Variants in TUBA3D observed in about 807,000 individuals in gnomAD.
TUBA3D encodes tubulin alpha 3d.
In TUBA3D, 24 loss-of-function variants were observed where a neutral mutation model predicts 36.1. The observed-to-expected ratio is 0.66, with a 90% CI of 0.48 to 0.93. The LOEUF is 0.93. TUBA3D is among the 40% of genes least tolerant of loss of function. The probability of loss-of-function intolerance (pLI) is 0.00; values close to 1 mark genes in which losing one functional copy is unlikely to be tolerated. For synonymous variants in TUBA3D, 185 were observed against 247.2 expected (o/e 0.75, Z 2.36); for missense variants, 356 against 614.5 (o/e 0.58, Z 4.45).
At chr2:131,479,540 C>T (rs1238430356) in intron 3 of TUBA3D, 84 bp downstream of exon 3, 2 of 1,579,162 alleles carry the variant, frequency 1.3e-6, no homozygotes, top group African/African-American at 1.4e-5. Context: ...ATTTTATCAA[C>T]ACTTAGACCA....
rs1573855064 is a variant in TUBA3D at position 131,476,119 on chromosome 2, A to C, written c.-81A>C. On this transcript the variant is annotated 5_prime_UTR_variant, in exon 1 of 5. Coordinates refer to ENST00000321253, the MANE Select transcript of TUBA3D (RefSeq NM_080386.4). ...ATCCCGTGCGGCGCGCACAGGCAGG[A>C]GGTTGCAGTTGGGCGCTCAGCAGCT... 2.5e-6 allele frequency: 4 copies of C among 1,609,418 alleles called. No homozygotes were observed. The highest frequency in any genetic ancestry group is 2.2e-5 in the East Asian group (1 of 44,694).
rs765656354 is a variant in TUBA3D at position 131,480,630 on chromosome 2, A to G, written c.937A>G (p.Met313Val). 1.5e-5 allele frequency: 25 copies of G among 1,613,582 alleles called. No homozygotes were observed. In the East Asian group the frequency reaches 2.7e-4, roughly 17 times the overall value. ...VKCDPRHGKY[M>V]ACCMLYRGDV... ...GTGTGACCCTCGCCACGGCAAGTACATGGCCTGCTGCATGTTGTACAGGGG... is the reference window on the plus strand; with the variant it reads ...GTGTGACCCTCGCCACGGCAAGTACGTGGCCTGCTGCATGTTGTACAGGGG... The change falls in exon 4 of 5, where the codon ATG becomes GTG. Residue 313 changes from methionine to valine, a missense_variant. Around this residue, in one of 3 missense-constraint regions of TUBA3D, gnomAD observed 156 missense variants for 219.8 expected, o/e 0.71. Transcript: ENST00000321253.
At chr2:131,481,140 G>T (rs1438762657) in intron 4 of TUBA3D, among the ~76,000 whole-genome samples, 2 of 152,028 alleles carry the variant, frequency 1.3e-5, no homozygotes, top group Non-Finnish European at 2.9e-5. Context: ...CTGACCTCAG[G>T]TGATCTGCCT....
chr2:131,479,826 C>G (rs1317762121), intron 3 of TUBA3D, among the ~76,000 whole-genome samples: 1 of 151,972 alleles, frequency 6.6e-6, no homozygotes, highest in Admixed American at 6.6e-5. Context: ...GGAAACAGAG[C>G]AAGATTCCGT....
At position 131,482,651 on chromosome 2, in the gene TUBA3D, G is replaced by T. The variant is rs373332031; in HGVS notation, c.1156G>T (p.Glu386Ter). The T allele has an allele frequency of 1.3e-5, 21 of 1,614,226 alleles. No homozygotes were observed. Among genetic ancestry groups the T allele is most frequent in the Non-Finnish European group, 1.8e-5 (21 of 1,180,048 alleles). The change falls in exon 5 of 5, where the codon GAG (glutamate) becomes TAG (stop). Residue 386 changes from glutamate to a stop codon, truncating the protein, a stop_gained. Transcript: ENST00000321253. LOFTEE classifies it high-confidence loss of function. Reference protein sequence around the residue: ...CMLSNTTAIAEAWARLDHKFD... With the variant: ...CMLSNTTAIA Reference sequence around the variant, plus strand: ...GCTGAGCAACACCACGGCCATTGCGGAGGCCTGGGCCCGCCTGGACCATAA... The same window carrying T: ...GCTGAGCAACACCACGGCCATTGCGTAGGCCTGGGCCCGCCTGGACCATAA...
intron 4 of TUBA3D, among the ~76,000 whole-genome samples, chr2:131,481,209 A>T (rs561161621): frequency 1.1e-4 from 16 of 151,618 alleles, no homozygotes; most frequent in African/African-American, 3.1e-4. Context: ...TAGCTCAGTG[A>T]TGTCTTTTGA....
At position 131,479,524 on chromosome 2, in the gene TUBA3D, G is replaced by C. The variant is rs184933960; in HGVS notation, c.375+68G>C. ...GGGGTAGTTCTTGGAATGTGAAAGG[G>C]AAGTCATTTTATCAACACTTAGACC... is the stretch of plus-strand genomic sequence containing the variant. On this transcript the variant is annotated intron_variant, in intron 3 of 4. Coordinates refer to ENST00000321253, the MANE Select transcript of TUBA3D (RefSeq NM_080386.4). The C allele has an allele frequency of 2.3e-4, 374 of 1,592,332 alleles. 6 individuals carry two copies. The East Asian group carries it at 5.1e-3, about 22-fold the overall frequency.
At chr2:131,476,938 C>T (rs1678691420) in intron 1 of TUBA3D, among the ~76,000 whole-genome samples, 1 of 142,472 alleles carries the variant, frequency 7.0e-6, no homozygotes, top group Admixed American at 6.7e-5. Flanking sequence ...CTCAAAGACA[C>T]AAACAAAAAA....
At chr2:131,478,967 GTT>G (rs199792853) in intron 2 of TUBA3D, among the ~76,000 whole-genome samples, 1,554 of 152,344 alleles carry the variant, frequency 0.01, 29 homozygotes, top group African/African-American at 0.035. Flanking sequence ...GACTGCCCAG[GTT>G]GTAAGAGTTT....
At chr2:131,480,930 G>A (rs1195532432) in intron 4 of TUBA3D, among the ~76,000 whole-genome samples, 181 bp downstream of exon 4, 3 of 150,830 alleles carry the variant, frequency 2.0e-5, no homozygotes, top group Admixed American at 1.3e-4. Flanking sequence ...TTTTGAGACA[G>A]TCTTGCTCTG....
Position 131,479,248 on chromosome 2 carries a change from G to A in TUBA3D, c.227-60G>A, listed in dbSNP as rs564438518. On this transcript the variant is annotated intron_variant, in intron 2 of 4. Transcript: ENST00000321253. ...CTGTAGAAGTGAACACTCCTGGAAT[G>A]TGTCCATCTTGGTGAGTACAGGCCT... 1.2e-5 allele frequency: 19 copies of A among 1,582,448 alleles called. No individual in the cohort carries two copies. The South Asian group carries it at 1.9e-4, about 16-fold the overall frequency.
At chr2:131,478,834 A>G (rs568200733) in intron 2 of TUBA3D, 2 of 214,256 alleles carry the variant, frequency 9.3e-6, no homozygotes, top group African/African-American at 4.6e-5. Flanking sequence ...AAGGAGAGCT[A>G]CAAAGAGGCA....
intron 1 of TUBA3D, among the ~76,000 whole-genome samples, chr2:131,477,730 C>T (rs1678721545): frequency 6.6e-6 from 1 of 151,540 alleles, no homozygotes; most frequent in African/African-American, 2.4e-5. Context: ...AGAGGACACA[C>T]ACTGAGCACC....
rs1559348222 is a variant in TUBA3D, at chr2:131,479,410, T to A, written c.329T>A (p.Ile110Asn). Reference sequence around the variant, plus strand: ...AATTACGCCAGGGGCCATTACACCATCGGCAAGGAGATTGTTGACCTAGTC... The same window carrying A: ...AATTACGCCAGGGGCCATTACACCAACGGCAAGGAGATTGTTGACCTAGTC... ...ANNYARGHYT[I>N]GKEIVDLVLD... Residue 110 changes from isoleucine (I) to asparagine (N), a missense_variant, in exon 3 of 5, where the codon ATC becomes AAC. By Grantham distance (149) the Ile-to-Asn change is moderately radical. Coordinates refer to ENST00000321253, the MANE Select transcript of TUBA3D (RefSeq NM_080386.4). 1 of 1,614,074 alleles carries A rather than the reference T, an allele frequency of 6.2e-7. No homozygotes were observed. Among genetic ancestry groups the A allele is most frequent in the East Asian group, 2.2e-5 (1 of 44,876 alleles).
chr2:131,480,863 G>A (rs1345719009), intron 4 of TUBA3D, 114 bp downstream of exon 4: 7 of 1,432,058 alleles, frequency 4.9e-6, no homozygotes, highest in African/African-American at 2.9e-5. Flanking sequence ...GGCTAGGCAT[G>A]TGGGCATAAA....
At chr2:131,480,847 T>A (rs547755344) in intron 4 of TUBA3D, 98 bp downstream of exon 4, 1 of 1,505,514 alleles carries the variant, frequency 6.6e-7, no homozygotes, top group Non-Finnish European at 9.0e-7. Context: ...TTATCCCTGT[T>A]CCATGGGCTA....
In TUBA3D at chr2:131,476,985, G is replaced by A. The variant is rs148745976; in HGVS notation, c.3+783G>A. Among the ~76,000 whole-genome samples the A allele has an allele frequency of 8.7e-3, 1,249 of 143,510 alleles. 28 individuals are homozygous for A. The highest frequency in any genetic ancestry group is 0.034 in the African/African-American group (1,182 of 34,804). 94.1% of individuals were successfully genotyped at this position (143,510 alleles called of 152,430 possible). ...AACATAACAGATTCCCAAGTCCCAA[G>A]TCTGAATAGCTGTGGTTTGTCAGTT... On this transcript the variant is annotated intron_variant, in intron 1 of 4. Coordinates refer to ENST00000321253, the MANE Select transcript of TUBA3D (RefSeq NM_080386.4).
intron 1 of TUBA3D, 116 bp from the exon 2 acceptor site, chr2:131,478,048 G>T (rs1678734071): frequency 7.1e-7 from 1 of 1,410,160 alleles, no homozygotes; most frequent in African/African-American, 1.4e-5. Context: ...AATATCGATT[G>T]TGAAAGCGCC....
Position 131,479,291 on chromosome 2 carries a change from C to T in TUBA3D, c.227-17C>T, listed in dbSNP as rs761583522. On this transcript the variant is annotated splice_polypyrimidine_tract_variant and intron_variant, in intron 2 of 4. Coordinates refer to ENST00000321253, the MANE Select transcript of TUBA3D (RefSeq NM_080386.4). ...ACAGGCCTTAAAAATTCACAGCACA[C>T]ACTGTCTCTTTTGCAGATGAAGTGC... 2 of 1,612,828 alleles carry T rather than the reference C, an allele frequency of 1.2e-6. No individual in the cohort carries two copies. The highest frequency in any genetic ancestry group is 1.1e-5 in the South Asian group (1 of 90,972).
Sources: gnomAD v4.1 joint callset for allele counts (sites outside exome capture counted in the v4.1 genomes callset) on GRCh38, gnomAD v4.1.1 for gene constraint, gnomAD v4.1.1 regional missense constraint, MANE v1.5 for transcripts, NCBI Gene and HGNC (gene_info 2026-07-23, HGNC 2026-07-21) for gene names.